Variants in TTC17 observed in about 807,000 individuals in gnomAD.
TTC17 encodes the protein tetratricopeptide repeat protein 17.
In TTC17, 58 loss-of-function variants were observed where a neutral mutation model predicts 143.8. The observed-to-expected ratio is 0.40, with a 90% CI of 0.33 to 0.50. TTC17 has a LOEUF of 0.50. Among genes scored for constraint, TTC17 ranks in the 20% least tolerant of loss-of-function variants. TTC17 has a pLI of 0.49. For missense variants in TTC17, 1,273 were observed against 1,392.5 expected, an observed-to-expected ratio of 0.91 and a Z score of 1.37; for synonymous variants, 501 against 497.8, an observed-to-expected ratio of 1.01 and a Z score of -0.09.
At chr11:43,460,984 T>A (rs900273600) in intron 21 of TTC17, among the ~76,000 whole-genome samples, 1 of 152,230 alleles carries the variant, frequency 6.6e-6, no homozygotes, top group African/African-American at 2.4e-5. Context: ...AGGGAAAATA[T>A]CCTCTACCTG....
In TTC17 at chr11:43,451,257, T is replaced by G. The variant is rs1236649431; in HGVS notation, c.3022T>G (p.Leu1008Val). The G allele has an allele frequency of 2.5e-6, 4 of 1,613,456 alleles. No individual in the cohort carries two copies. The highest frequency in any genetic ancestry group is 3.4e-6 in the Non-Finnish European group (4 of 1,179,430). The change falls in exon 21 of 24, where the codon TTG becomes GTG. Residue 1008 changes from leucine to valine, a missense_variant. By Grantham distance (32) the Leu-to-Val change is conservative (BLOSUM62 1). This residue lies in a region of TTC17 where 878 missense variants were observed against 899.8 expected (regional missense o/e 0.98). Coordinates refer to ENST00000039989, the MANE Select transcript of TTC17 (RefSeq NM_018259.6). Reference sequence around the variant, plus strand: ...GATTGGCACCCGAATTGCCAAAGTTTTGGAAAAGGTAAGTCACCCCACAGA... The same window carrying G: ...GATTGGCACCCGAATTGCCAAAGTTGTGGAAAAGGTAAGTCACCCCACAGA... The part of the protein sequence containing the change: ...EQIGTRIAKV[L>V]EKNQTSWVLS...
At chr11:43,491,941 ATTC>A (rs1948480795) in intron 22 of TTC17, 76 bp from the exon 23 acceptor site, 1 of 1,564,692 alleles carries the variant, frequency 6.4e-7, no homozygotes, top group African/African-American at 1.4e-5. Context: ...CACAGACTGT[ATTC>A]TTTATGATCA....
intron 1 of TTC17, among the ~76,000 whole-genome samples, chr11:43,373,985 T>C (rs950486682): frequency 1.3e-5 from 2 of 152,294 alleles, no homozygotes; most frequent in South Asian, 2.1e-4. Flanking sequence ...TCACGTTTTT[T>C]TTCCAAATAG....
At position 43,494,925 on chromosome 11, in the gene TTC17, A is replaced by G. The variant is rs1191365340; in HGVS notation, c.*1021A>G. The G allele has an allele frequency of 2.0e-5, 3 of 152,250 alleles. No homozygotes were observed. Among genetic ancestry groups the G allele is most frequent in the Non-Finnish European group, 2.9e-5 (2 of 68,048 alleles). The allele number at this position is 152,250 out of a possible 1,614,324, so 9.4% of individuals were successfully genotyped here. ...GAGAAAAAAAATAAAATTGTTTATG[A>G]GCAAAATAGGTCTGTCATGTGATTT... On this transcript the variant is annotated 3_prime_UTR_variant, in exon 24 of 24. Coordinates refer to ENST00000039989, the MANE Select transcript of TTC17 (RefSeq NM_018259.6).
intron 15 of TTC17, among the ~76,000 whole-genome samples, chr11:43,413,671 A>C (rs541259846): frequency 6.6e-6 from 1 of 152,156 alleles, no homozygotes; most frequent in Admixed American, 6.5e-5. Context: ...CAGGCACTTC[A>C]GAAATGAGGA....
At position 43,407,465 on chromosome 11, in the gene TTC17, T is replaced by C. The variant is rs1858196916; in HGVS notation, c.1952T>C (p.Leu651Pro). Residue 651 changes from leucine (L) to proline (P), a missense_variant, in exon 15 of 24, where the codon CTT becomes CCT. Coordinates refer to ENST00000039989, the MANE Select transcript of TTC17 (RefSeq NM_018259.6). ...CLQRALNLAP[L>P]QYQDVPLVNL... ...CAGAGGGCTTTGAATTTAGCTCCAC[T>C]TCAATACCAAGATGTTCCTCTTGTC... The C allele has an allele frequency of 6.2e-7, 1 of 1,614,050 alleles. No individual in the cohort carries two copies. Among genetic ancestry groups the C allele is most frequent in the African/African-American group, 1.3e-5 (1 of 75,038 alleles).
intron 21 of TTC17, among the ~76,000 whole-genome samples, chr11:43,473,876 CTG>C (rs1176179789): frequency 1.4e-5 from 2 of 143,172 alleles, no homozygotes; most frequent in Admixed American, 7.1e-5. Flanking sequence ...GAATGAGACT[CTG>C]TCTCAAAAAA....
intron 1 of TTC17, among the ~76,000 whole-genome samples, chr11:43,368,870 C>G (rs1412547034): frequency 6.6e-6 from 1 of 152,186 alleles, no homozygotes; most frequent in Non-Finnish European, 1.5e-5. Context: ...CACTTTCTTT[C>G]TTGTGTGGTG....
At chr11:43,381,275 A>G (rs998668082) in intron 2 of TTC17, among the ~76,000 whole-genome samples, 62 of 152,334 alleles carry the variant, frequency 4.1e-4, no homozygotes, top group African/African-American at 1.4e-3. Context: ...CCAAAATAAA[A>G]TGTAGGCAGG....
chr11:43,443,254 G>A (rs1947461947), intron 16 of TTC17, 71 bp from the exon 17 acceptor site: 3 of 1,558,730 alleles, frequency 1.9e-6, no homozygotes, highest in South Asian at 1.2e-5. Flanking sequence ...CCAAAAGCAG[G>A]GTTGGAGTCA....
chr11:43,464,733 C>CT (rs556797910), intron 21 of TTC17, among the ~76,000 whole-genome samples: 32 of 148,198 alleles, frequency 2.2e-4, no homozygotes, highest in Middle Eastern at 3.5e-3. Flanking sequence ...GAAATGCAAG[C>CT]TTTTTTTTTT....
chr11:43,385,271 T>C (rs1460565980), intron 2 of TTC17, among the ~76,000 whole-genome samples: 1 of 152,106 alleles, frequency 6.6e-6, no homozygotes, highest in East Asian at 1.9e-4. Context: ...GAAGATAACA[T>C]ACAGTGTTTT....
At chr11:43,461,024 C>T (rs969358476) in intron 21 of TTC17, among the ~76,000 whole-genome samples, 1 of 152,212 alleles carries the variant, frequency 6.6e-6, no homozygotes, top group Non-Finnish European at 1.5e-5. Context: ...TGTGTCCCAT[C>T]GTTAATTCAC....
At chr11:43,382,656 A>T (rs2134493323) in intron 2 of TTC17, among the ~76,000 whole-genome samples, 1 of 152,262 alleles carries the variant, frequency 6.6e-6, no homozygotes, top group East Asian at 1.9e-4. Flanking sequence ...TTTCTCTTAC[A>T]TTTTATATAT....
chr11:43,483,938 T>A (rs1315757186), intron 21 of TTC17, among the ~76,000 whole-genome samples: 1 of 152,134 alleles, frequency 6.6e-6, no homozygotes, highest in East Asian at 1.9e-4. Context: ...AATCAGGATT[T>A]CAGGACCAGC....
At chr11:43,433,298 C>T (rs753194789) in intron 16 of TTC17, among the ~76,000 whole-genome samples, 11 of 152,222 alleles carry the variant, frequency 7.2e-5, no homozygotes, top group Admixed American at 4.6e-4. Context: ...CGCGCCTGGC[C>T]AAACTGGTCT....
At chr11:43,392,284 T>G (rs1479840784) in intron 5 of TTC17, among the ~76,000 whole-genome samples, 1 of 152,226 alleles carries the variant, frequency 6.6e-6, no homozygotes, top group Non-Finnish European at 1.5e-5. Flanking sequence ...AATATATCTA[T>G]ACACAATACA....
At chr11:43,482,292 ATTATT>A (rs1467484889) in intron 21 of TTC17, among the ~76,000 whole-genome samples, 1 of 149,448 alleles carries the variant, frequency 6.7e-6, no homozygotes, top group East Asian at 2.0e-4. Context: ...ATAAGCTTGT[ATTATT>A]GACTTGATCC....
rs1280049320 is a variant in TTC17, at chr11:43,397,461, C to T, written c.888C>T (p.Thr296=). The change falls in exon 7 of 24, where the codon ACC becomes ACT. Residue 296 remains threonine (T), a synonymous_variant. Coordinates refer to ENST00000039989, the MANE Select transcript of TTC17 (RefSeq NM_018259.6). ...HAALDDSDFF[T]SYYTLGNIYA... is the part of the protein sequence containing the mutation. ...CTCTGGATGACAGTGACTTCTTCAC[C>T]AGCTATTACACTTTGGGGAATATAT... 2 of 1,612,766 alleles carry T rather than the reference C, an allele frequency of 1.2e-6. No homozygotes were observed. Among genetic ancestry groups the T allele is most frequent in the African/African-American group, 2.7e-5 (2 of 74,824 alleles).
Sources: allele counts gnomAD v4.1 joint callset (sites outside exome capture counted in the v4.1 genomes callset), GRCh38; gene constraint gnomAD v4.1.1; regional missense constraint gnomAD v4.1.1; transcripts MANE v1.5; gene names NCBI Gene and HGNC (gene_info 2026-07-23, HGNC 2026-07-21).